HYCC1: variants seen among roughly 807,000 people sequenced by gnomAD.
HYCC1 encodes the protein hyccin PI4KA lipid kinase complex subunit 1.
chr7:22,918,053 A>G, the HYCC1 span, among the ~76,000 whole-genome samples: 1 of 152,204 alleles, frequency 6.6e-6, no homozygotes, highest in African/African-American at 2.4e-5. Context: ...AGGACTCTGT[A>G]TATTTTTAAA....
chr7:22,917,488 C>A, the HYCC1 span, among the ~76,000 whole-genome samples: 4 of 152,184 alleles, frequency 2.6e-5, no homozygotes, highest in African/African-American at 9.7e-5. Flanking sequence ...TGCCCCTGTC[C>A]AGGACTGGCA....
the HYCC1 span, among the ~76,000 whole-genome samples, chr7:22,896,660 CAG>C: frequency 6.6e-6 from 1 of 152,178 alleles, no homozygotes; most frequent in Non-Finnish European, 1.5e-5. Context: ...CATTCCCTGG[CAG>C]AGAGGAGAAA....
chr7:22,962,634 T>C, the HYCC1 span, among the ~76,000 whole-genome samples: 1 of 139,782 alleles, frequency 7.2e-6, no homozygotes, highest in East Asian at 2.1e-4. Flanking sequence ...GTAGTGGGGG[T>C]CATCACTGAA....
chr7:22,947,758 A>G, the HYCC1 span, among the ~76,000 whole-genome samples: 3 of 152,098 alleles, frequency 2.0e-5, no homozygotes, highest in Admixed American at 2.0e-4. Flanking sequence ...ATGAGGCTAC[A>G]TTGAGACTGA....
chr7:22,998,261 T>C, the HYCC1 span, among the ~76,000 whole-genome samples: 3 of 152,184 alleles, frequency 2.0e-5, no homozygotes, highest in South Asian at 4.1e-4. Context: ...CAACAGTTAC[T>C]GCTCTTGGAT....
the HYCC1 span, among the ~76,000 whole-genome samples, chr7:22,997,978 G>T: frequency 1.2e-4 from 19 of 152,096 alleles, no homozygotes; most frequent in Admixed American, 6.5e-5. Context: ...TGTTGGAAAA[G>T]CTAGAACAAT....
chr7:22,913,664 C>A, the HYCC1 span, among the ~76,000 whole-genome samples: 1 of 152,248 alleles, frequency 6.6e-6, no homozygotes, highest in Non-Finnish European at 1.5e-5. Flanking sequence ...CTCCCTTTTA[C>A]TGTAATTTTC....
At chr7:22,904,955 A>G in the HYCC1 span, among the ~76,000 whole-genome samples, 1 of 152,070 alleles carries the variant, frequency 6.6e-6, no homozygotes, top group East Asian at 1.9e-4. Flanking sequence ...TGGCATCCAC[A>G]AGACTCCTGG....
the HYCC1 span, among the ~76,000 whole-genome samples, chr7:22,932,969 T>A: frequency 6.6e-6 from 1 of 152,156 alleles, no homozygotes. Flanking sequence ...AAGAAAGCCC[T>A]GTGACAACAG....
the HYCC1 span, among the ~76,000 whole-genome samples, chr7:22,929,316 G>A: frequency 6.6e-6 from 1 of 152,170 alleles, no homozygotes; most frequent in Admixed American, 6.5e-5. Flanking sequence ...AAAAGCAATG[G>A]CAACAAAAGT....
the HYCC1 span, among the ~76,000 whole-genome samples, chr7:22,988,861 C>T: frequency 2.0e-5 from 3 of 152,144 alleles, no homozygotes; most frequent in Non-Finnish European, 2.9e-5. Context: ...TTCTTCTACA[C>T]GCCACCTCTG....
the HYCC1 span, chr7:23,014,078 T>G: frequency 2.1e-6 from 1 of 470,218 alleles, no homozygotes; most frequent in South Asian, 1.5e-5. Context: ...TTCCCCCTCC[T>G]CTCACTGACT....
chr7:22,933,986 C>T, the HYCC1 span, among the ~76,000 whole-genome samples: 1 of 152,144 alleles, frequency 6.6e-6, no homozygotes, highest in Non-Finnish European at 1.5e-5. Flanking sequence ...ATCAATCATT[C>T]AGTTGACTTG....
chr7:22,985,846 T>A, the HYCC1 span: 1 of 148,948 alleles, frequency 6.7e-6, no homozygotes, highest in Non-Finnish European at 1.5e-5. Flanking sequence ...ATAAAATGCA[T>A]TATATATATT....
At chr7:22,978,444 A>T in the HYCC1 span, 1 of 1,613,476 alleles carries the variant, frequency 6.2e-7, no homozygotes, top group Non-Finnish European at 8.5e-7. Context: ...GACAGGTTCT[A>T]GCAACTAGAA....
the HYCC1 span, among the ~76,000 whole-genome samples, chr7:22,962,024 G>A: frequency 6.6e-6 from 1 of 152,018 alleles, no homozygotes; most frequent in Non-Finnish European, 1.5e-5. Flanking sequence ...TGCAAGCGAG[G>A]CCTAAAAACT....
the HYCC1 span, among the ~76,000 whole-genome samples, chr7:22,972,643 T>C: frequency 2.0e-5 from 3 of 152,234 alleles, no homozygotes; most frequent in Non-Finnish European, 1.5e-5. Flanking sequence ...GGTGAGTATA[T>C]TTCTTTTCAT....
chr7:22,965,916 A>G, the HYCC1 span, among the ~76,000 whole-genome samples: 1 of 152,160 alleles, frequency 6.6e-6, no homozygotes, highest in African/African-American at 2.4e-5. Flanking sequence ...TCAGCTCCAG[A>G]AATATGTATT....
chr7:22,931,071 C>T, the HYCC1 span, among the ~76,000 whole-genome samples: 1 of 151,770 alleles, frequency 6.6e-6, no homozygotes, highest in Admixed American at 6.6e-5. Flanking sequence ...ATAATCTTAC[C>T]TGGAAATAGT....
Sources: gnomAD v4.1 joint callset for allele counts (sites outside exome capture counted in the v4.1 genomes callset) on GRCh38, gnomAD v4.1.1 for gene constraint, MANE v1.5 for transcripts, NCBI Gene and HGNC (gene_info 2026-07-23, HGNC 2026-07-21) for gene names.